The following PRKAG2 variants were observed in gnomAD, a reference collection of about 807,000 sequenced individuals.
PRKAG2 encodes the protein protein kinase AMP-activated non-catalytic subunit gamma 2.
Under a neutral mutation model 69.6 loss-of-function variants are expected in PRKAG2, and 26 were observed. The ratio of observed to expected loss-of-function variants is 0.37; its 90% CI spans 0.27 to 0.52. The LOEUF is 0.52. Among genes scored for constraint, PRKAG2 ranks in the 20% least tolerant of loss-of-function variants. The pLI is 0.90. For missense variants in PRKAG2, 557 were observed against 740.0 expected (o/e 0.75, Z 2.87); for synonymous variants, 293 against 285.0 (o/e 1.03, Z -0.28).
At chr7:151,694,598 T>C (rs574584245) in intron 3 of PRKAG2, among the ~76,000 whole-genome samples, 2 of 152,316 alleles carry the variant, frequency 1.3e-5, no homozygotes, top group South Asian at 4.1e-4. Context: ...CCCTCAAGGT[T>C]CATCCACAAG....
rs985546726 is a variant in PRKAG2, at chr7:151,827,295, G to A, written c.115-40754C>T. Among the ~76,000 whole-genome samples the A allele has an allele frequency of 1.7e-4, 26 of 152,244 alleles. 1 individual carries two copies. The highest frequency in any genetic ancestry group is 5.5e-4 in the African/African-American group (23 of 41,544). On this transcript the variant is annotated intron_variant, in intron 1 of 15. Transcript: ENST00000287878. ...ACTCTGTTGCCTAGGCTGGAGTGCA[G>A]TGGCGCAATCTCAGCTCACTGCAAC... is the stretch of plus-strand genomic sequence containing the variant.
At chr7:151,739,658 C>A (rs180868289) in intron 3 of PRKAG2, among the ~76,000 whole-genome samples, 2 of 151,850 alleles carry the variant, frequency 1.3e-5, no homozygotes. Flanking sequence ...TTCGTAGAGA[C>A]GGGGGTTTCG....
intron 3 of PRKAG2, among the ~76,000 whole-genome samples, chr7:151,708,289 G>A (rs1429897951): frequency 6.6e-6 from 1 of 152,164 alleles, no homozygotes; most frequent in Admixed American, 6.5e-5. Context: ...CTGAAAGGCC[G>A]CATTAGTGAA....
Position 151,643,821 on chromosome 7 carries a change from C to T in PRKAG2, c.685-11683G>A, listed in dbSNP as rs116792829. On this transcript the variant is annotated intron_variant, in intron 4 of 15. Transcript: ENST00000287878. ...TTGTGTGTAATTTACCAACAATAAA[C>T]GATTTCTATTCCAAGTGTACAATTT... 5.1e-3 allele frequency among the ~76,000 whole-genome samples: 775 copies of T among 152,276 alleles called. 8 individuals are homozygous for T. Among genetic ancestry groups the T allele is most frequent in the African/African-American group, 0.017 (716 of 41,556 alleles).
intron 4 of PRKAG2, among the ~76,000 whole-genome samples, chr7:151,651,222 T>A (rs962324275): frequency 4.6e-5 from 7 of 152,228 alleles, no homozygotes; most frequent in Non-Finnish European, 7.3e-5. Context: ...TGTTCCTATT[T>A]GGAAGATCTG....
chr7:151,824,122 T>C (rs997298592), intron 1 of PRKAG2, among the ~76,000 whole-genome samples: 4 of 152,194 alleles, frequency 2.6e-5, no homozygotes, highest in Non-Finnish European at 5.9e-5. Flanking sequence ...CAGCTTTTGA[T>C]TTAAAGTAAA....
At chr7:151,860,077 C>G (rs1375359658) in intron 1 of PRKAG2, among the ~76,000 whole-genome samples, 1 of 152,220 alleles carries the variant, frequency 6.6e-6, no homozygotes, top group Non-Finnish European at 1.5e-5. Context: ...GCCTAGAATG[C>G]TGGACCCGGA....
intron 1 of PRKAG2, among the ~76,000 whole-genome samples, chr7:151,789,247 G>C (rs2077157941): frequency 6.6e-6 from 1 of 152,190 alleles, no homozygotes; most frequent in African/African-American, 2.4e-5. Flanking sequence ...ACTTTGGGTA[G>C]TCCTGACCTC....
intron 1 of PRKAG2, among the ~76,000 whole-genome samples, chr7:151,842,403 T>TA (rs1331870030): frequency 1.6e-4 from 20 of 128,076 alleles, no homozygotes; most frequent in African/African-American, 3.7e-4. Flanking sequence ...TGATGGTAGG[T>TA]GGGGATGGTA....
chr7:151,560,281 TA>T (rs1804617559), intron 15 of PRKAG2: 1 of 1,401,378 alleles, frequency 7.1e-7, no homozygotes, highest in African/African-American at 1.4e-5. Flanking sequence ...CCAAGTCATT[TA>T]GGGGGCCACT....
intron 1 of PRKAG2, among the ~76,000 whole-genome samples, chr7:151,845,750 A>C (rs2151891189): frequency 6.6e-6 from 1 of 152,288 alleles, no homozygotes; most frequent in Admixed American, 6.5e-5. Context: ...TTCCCAAAAC[A>C]CTGCGGGGGC....
At chr7:151,649,178 T>G (rs1263852136) in intron 4 of PRKAG2, among the ~76,000 whole-genome samples, 1 of 152,084 alleles carries the variant, frequency 6.6e-6, no homozygotes, top group African/African-American at 2.4e-5. Flanking sequence ...GAGGTTGGAG[T>G]GCAGTGGTGT....
At chr7:151,621,514 C>CACAAAACAAA in intron 5 of PRKAG2, among the ~76,000 whole-genome samples, 1 of 151,984 alleles carries the variant, frequency 6.6e-6, no homozygotes, top group South Asian at 2.1e-4. Context: ...GAGACCCTGT[C>CACAAAACAAA]ACAAAACAAA....
intron 3 of PRKAG2, among the ~76,000 whole-genome samples, chr7:151,764,425 A>G (rs1404073330): frequency 6.6e-6 from 1 of 152,190 alleles, no homozygotes; most frequent in South Asian, 2.1e-4. Context: ...CTTTAAGCTA[A>G]CAAACACTCA....
At chr7:151,851,991 G>C (rs566962913) in intron 1 of PRKAG2, among the ~76,000 whole-genome samples, 9 of 152,138 alleles carry the variant, frequency 5.9e-5, no homozygotes, top group African/African-American at 2.2e-4. Flanking sequence ...GACTGAAAAC[G>C]GGTGGCAAGC....
rs1798480000 is a variant in PRKAG2 at position 151,729,096 on chromosome 7, T to TC, written c.466+52055_466+52056insG. 6.2e-5 allele frequency among the ~76,000 whole-genome samples: 9 copies of TC among 144,158 alleles called. No homozygotes were observed. The South Asian group carries it at 2.0e-3, about 32-fold the overall frequency. The allele number at this position is 144,158 out of a possible 152,430, so 94.6% of individuals were successfully genotyped here. A position where few individuals can be genotyped will look rare whatever the true frequency, so the allele number is the denominator to read the frequency against. ...CAGGGTTCCACCAGGCAGCGCTTGG[T>TC]GACAGTGACGTAGGGAGAACAGGCA... On this transcript the variant is annotated intron_variant, in intron 3 of 15. Transcript: ENST00000287878.
chr7:151,854,405 G>A (rs570100937), intron 1 of PRKAG2, among the ~76,000 whole-genome samples: 1 of 152,340 alleles, frequency 6.6e-6, no homozygotes, highest in African/African-American at 2.4e-5. Context: ...AGGGTGGACA[G>A]CTCCTCCACG....
chr7:151,572,850 T>C (rs1807918550), intron 8 of PRKAG2, 141 bp from the exon 9 acceptor site: 2 of 559,152 alleles, frequency 3.6e-6, no homozygotes, highest in Admixed American at 3.2e-5. Flanking sequence ...CGGTTGCTCA[T>C]GCCTGTAATC....
chr7:151,848,187 T>G (rs1468406479), intron 1 of PRKAG2, among the ~76,000 whole-genome samples: 1 of 152,222 alleles, frequency 6.6e-6, no homozygotes, highest in Non-Finnish European at 1.5e-5. Context: ...TGCTGAAACT[T>G]AATCCCTCAT....
Sources: allele counts gnomAD v4.1 joint callset (sites outside exome capture counted in the v4.1 genomes callset), GRCh38; gene constraint gnomAD v4.1.1; transcripts MANE v1.5; gene names NCBI Gene and HGNC (gene_info 2026-07-23, HGNC 2026-07-21).